ESRRG: variants seen among roughly 807,000 people sequenced by gnomAD.
The protein encoded by ESRRG is estrogen-related receptor gamma.
In ESRRG, 13 loss-of-function variants were observed where a neutral mutation model predicts 44.0. That is an observed-to-expected ratio of 0.30 (90% CI 0.19 to 0.47). The LOEUF (loss-of-function observed/expected upper bound fraction) is 0.47, where lower values mean the gene tolerates loss of function less well. Ranked by LOEUF, ESRRG falls within the 20% of genes least tolerant of loss-of-function variation. The pLI, the probability that ESRRG is intolerant of heterozygous loss-of-function variation, is 1.00. For missense variants in ESRRG, 395 were observed against 580.6 expected (o/e 0.68, Z 3.29); for synonymous variants, 215 against 214.6 (o/e 1.00, Z -0.02).
intron 1 of ESRRG, among the ~76,000 whole-genome samples, chr1:217,100,709 C>T (rs945328713): frequency 6.6e-6 from 1 of 152,178 alleles, no homozygotes; most frequent in Non-Finnish European, 1.5e-5. Flanking sequence ...TGAGCCAGCA[C>T]ATCACATGGC....
intron 2 of ESRRG, among the ~76,000 whole-genome samples, chr1:216,743,473 A>G (rs747717571): frequency 5.9e-5 from 9 of 152,206 alleles, no homozygotes; most frequent in Non-Finnish European, 8.8e-5. Context: ...ATTCCTCTTC[A>G]GGGTAATTTA....
chr1:216,871,626 T>C (rs1171589769), intron 2 of ESRRG, among the ~76,000 whole-genome samples: 1 of 152,030 alleles, frequency 6.6e-6, no homozygotes, highest in East Asian at 1.9e-4. Flanking sequence ...TCAGTTCTGT[T>C]AGTTTTTGCT....
chr1:216,837,272 G>A lies in ESRRG; in HGVS notation c.-14+102310C>T, dbSNP rs533084789. Among the ~76,000 whole-genome samples the A allele has an allele frequency of 5.9e-5, 9 of 151,924 alleles. No homozygotes were observed. The South Asian group carries it at 6.2e-4, about 11-fold the overall frequency. On this transcript the variant is annotated intron_variant, in intron 2 of 7. Transcript: ENST00000359162. ...AAAATACAAAAAAAATTAGCCAGGC[G>A]TGGTGGTGAGTGCCTGTAGTCCCAG...
At chr1:217,037,661 T>G (rs1391077481) in intron 1 of ESRRG, among the ~76,000 whole-genome samples, 1 of 151,928 alleles carries the variant, frequency 6.6e-6, no homozygotes, top group Non-Finnish European at 1.5e-5. Flanking sequence ...AATCACGCCA[T>G]CCCAATGGTC....
intron 2 of ESRRG, among the ~76,000 whole-genome samples, chr1:216,928,562 C>T (rs1314599420): frequency 6.6e-6 from 1 of 152,156 alleles, no homozygotes; most frequent in African/African-American, 2.4e-5. Flanking sequence ...TTCCTAAGCA[C>T]ATTGATGATT....
chr1:216,812,417 G>A (rs1471864359), intron 2 of ESRRG, among the ~76,000 whole-genome samples: 3 of 151,798 alleles, frequency 2.0e-5, no homozygotes, highest in Admixed American at 6.6e-5. Flanking sequence ...TACTTATTTC[G>A]GGGAGTCCCT....
intron 2 of ESRRG, among the ~76,000 whole-genome samples, chr1:216,909,226 T>C (rs947431206): frequency 1.3e-5 from 2 of 152,208 alleles, no homozygotes; most frequent in Admixed American, 6.5e-5. Flanking sequence ...TCATCATCTA[T>C]GAGGCAGTGA....
At chr1:216,572,484 G>A (rs1156634603) in intron 3 of ESRRG, among the ~76,000 whole-genome samples, 2 of 151,812 alleles carry the variant, frequency 1.3e-5, no homozygotes, top group African/African-American at 4.8e-5. Context: ...TATTTTAAAT[G>A]GTCAGATAAA....
chr1:216,506,293 T>C lies in ESRRG; in HGVS notation c.*646A>G, dbSNP rs1324664049. ...TTCTCTCTCTTTGATTCCTTAGTCA[T>C]TGGGGACAGTATGGTTCACAATAAG... On this transcript the variant is annotated 3_prime_UTR_variant, in exon 7 of 7. Transcript: ENST00000408911. 1.5e-5 allele frequency: 3 copies of C among 200,806 alleles called. No individual in the cohort carries two copies. Among genetic ancestry groups the C allele is most frequent in the African/African-American group, 2.4e-5 (1 of 42,514 alleles). The allele number at this position is 200,806 out of a possible 1,614,324, so 12.4% of individuals were successfully genotyped here.
chr1:217,121,240 T>C (rs147124298), intron 1 of ESRRG, among the ~76,000 whole-genome samples: 3 of 152,170 alleles, frequency 2.0e-5, no homozygotes, highest in Non-Finnish European at 2.9e-5. Context: ...GCTGTAGGTG[T>C]GATCCATTTT....
At chr1:216,854,234 GT>G (rs1236948672) in intron 2 of ESRRG, among the ~76,000 whole-genome samples, 24 of 151,634 alleles carry the variant, frequency 1.6e-4, no homozygotes, top group Non-Finnish European at 2.8e-4. Flanking sequence ...GCGTGTGCCT[GT>G]AGTCCCAGCT....
At chr1:216,953,530 T>G (rs941913675) in intron 1 of ESRRG, among the ~76,000 whole-genome samples, 1 of 151,958 alleles carries the variant, frequency 6.6e-6, no homozygotes, top group African/African-American at 2.4e-5. Context: ...ATTTCAGAGA[T>G]TTGTTGTCTT....
At chr1:217,002,037 C>T (rs562031525) in intron 1 of ESRRG, among the ~76,000 whole-genome samples, 1 of 151,718 alleles carries the variant, frequency 6.6e-6, no homozygotes, top group South Asian at 2.1e-4. Context: ...CATGATGGCT[C>T]ACACCTGTAA....
intron 1 of ESRRG, among the ~76,000 whole-genome samples, chr1:217,120,709 C>G (rs1291297277): frequency 6.6e-6 from 1 of 152,160 alleles, no homozygotes; most frequent in Non-Finnish European, 1.5e-5. Flanking sequence ...CCACTGTTCC[C>G]TCTGCCTACA....
intron 1 of ESRRG, among the ~76,000 whole-genome samples, chr1:216,990,928 G>C (rs887231206): frequency 6.6e-6 from 1 of 151,964 alleles, no homozygotes; most frequent in Non-Finnish European, 1.5e-5. Context: ...ATAAAGCAGG[G>C]GTCCCCAACT....
At chr1:217,131,345 A>G (rs2092962802) in intron 1 of ESRRG, among the ~76,000 whole-genome samples, 1 of 151,854 alleles carries the variant, frequency 6.6e-6, no homozygotes, top group African/African-American at 2.4e-5. Context: ...AAAAAAAAAC[A>G]GTGAGCAAGT....
At position 216,712,081 on chromosome 1, in the gene ESRRG, T is replaced by C. The variant is rs1440022310; in HGVS notation, c.56+11163A>G. ...TTTTCCCTCAGAAAGCCACATCAATTTTTTAATTAATATCAAAATGAGAGA... is the reference window on the plus strand; with the variant it reads ...TTTTCCCTCAGAAAGCCACATCAATCTTTTAATTAATATCAAAATGAGAGA... On this transcript the variant is annotated intron_variant, in intron 1 of 6. Coordinates refer to ENST00000408911, the MANE Select transcript of ESRRG (RefSeq NM_001438.4). 2.6e-5 allele frequency among the ~76,000 whole-genome samples: 4 copies of C among 152,346 alleles called. No individual in the cohort carries two copies. In the East Asian group the frequency reaches 7.7e-4, roughly 29 times the overall value.
At chr1:216,546,979 C>T (rs2054712812) in intron 5 of ESRRG, among the ~76,000 whole-genome samples, 1 of 151,796 alleles carries the variant, frequency 6.6e-6, no homozygotes, top group Non-Finnish European at 1.5e-5. Context: ...TGACAGGCCC[C>T]GGTGTGTATG....
chr1:216,977,207 G>A (rs985786868), intron 1 of ESRRG, among the ~76,000 whole-genome samples: 8 of 151,730 alleles, frequency 5.3e-5, no homozygotes, highest in Non-Finnish European at 7.4e-5. Context: ...CTCTAGACTC[G>A]CACATTTACT....
Sources: gnomAD v4.1 joint callset for allele counts (sites outside exome capture counted in the v4.1 genomes callset) on GRCh38, gnomAD v4.1.1 for gene constraint, MANE v1.5 for transcripts, NCBI Gene and HGNC (gene_info 2026-07-23, HGNC 2026-07-21) for gene names.